ADAM22: variants seen among roughly 807,000 people sequenced by gnomAD.
The protein encoded by ADAM22 is ADAM metallopeptidase domain 22.
In ADAM22, 65 loss-of-function variants were observed where a neutral mutation model predicts 144.6. The observed-to-expected ratio is 0.45, with a 90% CI of 0.37 to 0.55. The LOEUF (loss-of-function observed/expected upper bound fraction) is 0.55. Ranked by LOEUF, ADAM22 falls within the 20% of genes least tolerant of loss-of-function variation. ADAM22 has a pLI of 0.00. For missense variants in ADAM22, 974 were observed against 1,184.9 expected (o/e 0.82, Z 2.61); for synonymous variants, 391 against 412.6 (o/e 0.95, Z 0.63).
At chr7:88,167,024 TA>T (rs113935001) in intron 24 of ADAM22, among the ~76,000 whole-genome samples, 4 of 152,286 alleles carry the variant, frequency 2.6e-5, no homozygotes, top group African/African-American at 9.6e-5. Flanking sequence ...TGGAGTCCAC[TA>T]GTCTGCTCAG....
At chr7:88,158,547 A>G (rs1389415021) in intron 22 of ADAM22, among the ~76,000 whole-genome samples, 1 of 152,104 alleles carries the variant, frequency 6.6e-6, no homozygotes, top group African/African-American at 2.4e-5. Flanking sequence ...CTAAAATCAT[A>G]CCAAACCCAC....
rs1464072997 is a variant in ADAM22 at position 88,197,225 on chromosome 7, A to G, written c.*734A>G. On this transcript the variant is annotated 3_prime_UTR_variant, in exon 32 of 32. Coordinates refer to ENST00000413139, the MANE Select transcript of ADAM22 (RefSeq NM_001324418.2). ...CATCGTCATCCATCCAGTGATCTTC[A>G]AAGACTATAAGCAGGTAATGTAAAT... 1 of 152,318 alleles carries G rather than the reference A, an allele frequency of 6.6e-6. No individual in the cohort carries two copies. The highest frequency in any genetic ancestry group is 1.5e-5 in the Non-Finnish European group (1 of 68,114). The allele number at this position is 152,318 out of a possible 1,614,324, so 9.4% of individuals were successfully genotyped here.
intron 29 of ADAM22, among the ~76,000 whole-genome samples, chr7:88,183,793 G>A (rs1016399998): frequency 1.0e-4 from 15 of 150,444 alleles, no homozygotes; most frequent in Non-Finnish European, 3.0e-5. Context: ...ATACCTTCTT[G>A]TATAGGAACT....
intron 3 of ADAM22, among the ~76,000 whole-genome samples, chr7:88,055,337 G>T (rs146970535): frequency 5.3e-5 from 8 of 151,916 alleles, no homozygotes; most frequent in Non-Finnish European, 1.2e-4. Context: ...GTAGAGATCA[G>T]CCTGGGTCAC....
intron 11 of ADAM22, chr7:88,131,780 G>A: frequency 3.9e-6 from 1 of 257,986 alleles, no homozygotes. Context: ...TGTTTTCTCT[G>A]TTTTTGGTTC....
At chr7:88,113,145 T>TTTTTG (rs1826513120) in intron 5 of ADAM22, among the ~76,000 whole-genome samples, 1 of 102,880 alleles carries the variant, frequency 9.7e-6, no homozygotes. Context: ...TTTTTTTTTT[T>TTTTTG]GAGACAGGGT....
intron 4 of ADAM22, among the ~76,000 whole-genome samples, chr7:88,083,628 TG>T (rs1585565406): frequency 6.6e-6 from 1 of 150,516 alleles, no homozygotes; most frequent in African/African-American, 2.5e-5. Flanking sequence ...TGTGTGTGTG[TG>T]TGTGTATGTG....
At chr7:87,974,327 AT>A (rs1851353412) in intron 2 of ADAM22, among the ~76,000 whole-genome samples, 1 of 151,484 alleles carries the variant, frequency 6.6e-6, no homozygotes, top group Non-Finnish European at 1.5e-5. Context: ...AAGAAAAAAA[AT>A]AAAAGAAAAG....
chr7:88,195,347 A>G (rs946754176), intron 31 of ADAM22, among the ~76,000 whole-genome samples: 7 of 152,122 alleles, frequency 4.6e-5, no homozygotes, highest in Non-Finnish European at 1.0e-4. Context: ...CATTAAGGTG[A>G]TTGCTGAACA....
At chr7:88,018,479 T>A (rs1280085444) in intron 3 of ADAM22, among the ~76,000 whole-genome samples, 1 of 152,118 alleles carries the variant, frequency 6.6e-6, no homozygotes, top group East Asian at 1.9e-4. Context: ...CATTTCACAC[T>A]GAGTAGAGCA....
intron 22 of ADAM22, 101 bp downstream of exon 22, chr7:88,156,107 C>T (rs1839873221): frequency 3.8e-6 from 5 of 1,300,790 alleles, no homozygotes; most frequent in Admixed American, 2.0e-5. Context: ...GTTAGTAGGT[C>T]GAAATATAAT....
chr7:88,085,985 G>A (rs1040631613), intron 4 of ADAM22, among the ~76,000 whole-genome samples: 7 of 152,110 alleles, frequency 4.6e-5, no homozygotes, highest in Non-Finnish European at 8.8e-5. Flanking sequence ...GACCATCATG[G>A]CTAACACGGT....
At chr7:88,149,840 C>T (rs1283792684) in intron 18 of ADAM22, among the ~76,000 whole-genome samples, 1 of 152,128 alleles carries the variant, frequency 6.6e-6, no homozygotes, top group East Asian at 1.9e-4. Flanking sequence ...GATTTTATTT[C>T]TTTGTAAAAA....
intron 3 of ADAM22, among the ~76,000 whole-genome samples, chr7:88,057,244 G>T (rs1808507335): frequency 6.6e-6 from 1 of 151,976 alleles, no homozygotes; most frequent in African/African-American, 2.4e-5. Context: ...ACAGGCATGA[G>T]CCACCATGCC....
In ADAM22 at chr7:87,964,527, T is replaced by C. The variant is rs1637501; in HGVS notation, c.247-13809T>C. Reference sequence around the variant, plus strand: ...GTATAAATAAAATTAATTTCTAGAGTCTCTTTTATTACCTTTGTCTAACAG... The same window carrying C: ...GTATAAATAAAATTAATTTCTAGAGCCTCTTTTATTACCTTTGTCTAACAG... On this transcript the variant is annotated intron_variant, in intron 2 of 31. Transcript: ENST00000413139. 8.4e-3 allele frequency: 2,472 copies of C among 296,000 alleles called. 19 individuals are homozygous for C. The highest frequency in any genetic ancestry group is 0.012 in the Non-Finnish European group (1,811 of 154,122). The allele number at this position is 296,000 out of a possible 1,614,324, so 18.3% of individuals were successfully genotyped here.
intron 2 of ADAM22, among the ~76,000 whole-genome samples, chr7:87,935,587 G>T (rs1841060335): frequency 6.6e-6 from 1 of 152,160 alleles, no homozygotes; most frequent in South Asian, 2.1e-4. Flanking sequence ...TTAACCCAAG[G>T]TTGACACTGT....
chr7:88,062,251 G>A lies in ADAM22; in HGVS notation c.324-13375G>A, dbSNP rs1258451865. Among the ~76,000 whole-genome samples, 8 of 152,296 alleles carry A rather than the reference G, an allele frequency of 5.3e-5. No homozygotes were observed. The South Asian group carries it at 1.7e-3, about 32-fold the overall frequency. ...GCTGTTTTGTCTATGTTGAAAATCT[G>A]TTGTGTGCTATAGCCACCTTCAATT... On this transcript the variant is annotated intron_variant, in intron 3 of 31. Transcript: ENST00000413139.
intron 3 of ADAM22, among the ~76,000 whole-genome samples, chr7:87,980,287 C>CTTTTTTT (rs71120015): frequency 3.4e-5 from 4 of 118,400 alleles, no homozygotes; most frequent in Non-Finnish European, 6.6e-5. Flanking sequence ...GCACTGTGCT[C>CTTTTTTT]TTTTTTTTTT....
intron 30 of ADAM22, among the ~76,000 whole-genome samples, chr7:88,192,208 A>G (rs1849770081): frequency 6.6e-6 from 1 of 152,154 alleles, no homozygotes; most frequent in Non-Finnish European, 1.5e-5. Context: ...GGTTTTTACC[A>G]CCTTGCACCA....
Sources: allele counts gnomAD v4.1 joint callset (sites outside exome capture counted in the v4.1 genomes callset), GRCh38; gene constraint gnomAD v4.1.1; transcripts MANE v1.5; gene names NCBI Gene and HGNC (gene_info 2026-07-23, HGNC 2026-07-21).